The following CLCN2 variants were observed in gnomAD, a reference collection of about 807,000 sequenced individuals.
CLCN2 encodes the protein chloride voltage-gated channel 2.
A neutral mutation model predicts 108.3 loss-of-function variants in CLCN2; 72 were observed. That is an observed-to-expected ratio of 0.66 (90% confidence interval 0.55 to 0.81). CLCN2 has a LOEUF of 0.81. CLCN2 is among the 30% of genes least tolerant of loss of function. The pLI, the probability that CLCN2 is intolerant of heterozygous loss-of-function variation, is 0.00. For synonymous variants in CLCN2, 471 were observed against 467.1 expected, an observed-to-expected ratio of 1.01 and a Z score of -0.11; for missense variants, 1,048 against 1,205.2, an observed-to-expected ratio of 0.87 and a Z score of 1.93.
At chr3:184,353,973 A>G in intron 15 of CLCN2, 128 bp downstream of exon 15, 1 of 1,343,770 alleles carries the variant, frequency 7.4e-7, no homozygotes, top group South Asian at 1.3e-5. Flanking sequence ...GCCCCTCCAG[A>G]GTGTGGACGA....
Position 184,355,474 on chromosome 3 carries a change from TG to T in CLCN2, c.1225del (p.Gln409ArgfsTer7). 6.2e-7 allele frequency: 1 copy of T among 1,614,070 alleles called. No homozygotes were observed. The highest frequency in any genetic ancestry group is 8.5e-7 in the Non-Finnish European group (1 of 1,179,990). On this transcript the variant is annotated frameshift_variant, in exon 12 of 24. Transcript: ENST00000265593. LOFTEE classifies it high-confidence loss of function. This position sits in a 1 kb window ranked among gnomAD's most constrained non-coding sequence, Gnocchi z 6.3. ...TGGTTCTAGCTCCTCCACCAGGCCC[TG>T]GCGGACCCACGTCCGATTGTCAAAC... ...TLFDNRTWVR[Q>X]GLVEELEPPS...
rs748279279 is a variant in CLCN2, at chr3:184,353,280, G to C, written c.1998C>G (p.Pro666=). 2 of 1,613,844 alleles carry C rather than the reference G, an allele frequency of 1.2e-6. No individual in the cohort carries two copies. The highest frequency in any genetic ancestry group is 1.6e-4 in the Middle Eastern group (1 of 6,084). The change falls in exon 17 of 24, where the codon CCC becomes CCG. Residue 666 remains proline (P), a synonymous_variant. Transcript: ENST00000265593. Reference sequence around the variant, plus strand: ...AGCAGACAGAAGCCTCAGGGGTAGGGGGACCCTCCTGATCAGATAGTGGAG... The same window carrying C: ...AGCAGACAGAAGCCTCAGGGGTAGGCGGACCCTCCTGATCAGATAGTGGAG... ...QTSPLSDQEG[P]PTPEASVCFQ... is the part of the protein sequence containing the mutation.
In CLCN2 at chr3:184,346,590, G is replaced by C. The variant is rs1013631132; in HGVS notation, c.*16C>G. The C allele has an allele frequency of 3.1e-6, 5 of 1,613,332 alleles. No individual in the cohort carries two copies. Among genetic ancestry groups the C allele is most frequent in the Non-Finnish European group, 4.2e-6 (5 of 1,179,930 alleles). ...ACGGGCATGGCTAGCACCATCCTAG[G>C]CCACCCACGAGGGGCTCATTGGCAT... On this transcript the variant is annotated 3_prime_UTR_variant, in exon 24 of 24. Coordinates refer to ENST00000265593, the MANE Select transcript of CLCN2 (RefSeq NM_004366.6). The surrounding 1 kb of genome is among the most constrained non-coding windows in gnomAD (Gnocchi z 6.0).
chr3:184,358,927 C>G, intron 2 of CLCN2, 48 bp downstream of exon 2: 1 of 1,613,484 alleles, frequency 6.2e-7, no homozygotes, highest in Non-Finnish European at 8.5e-7. Context: ...GCCTCTGCTT[C>G]CCTCAGCACA....
At position 184,346,539 on chromosome 3, in the gene CLCN2, G is replaced by T; in HGVS notation, c.*67C>A. ...GCCTCCTGCCTTCCGAAGGCAGAAG[G>T]AATGAAAGATGCACATTCTGGGCTG... On this transcript the variant is annotated 3_prime_UTR_variant, in exon 24 of 24. Transcript: ENST00000265593. This position sits in a 1 kb window ranked among gnomAD's most constrained non-coding sequence, Gnocchi z 6.0. 1.3e-6 allele frequency: 2 copies of T among 1,576,106 alleles called. No homozygotes were observed. The highest frequency in any genetic ancestry group is 1.1e-5 in the South Asian group (1 of 90,224).
Position 184,353,094 on chromosome 3 carries a change from G to A in CLCN2, c.2082C>T (p.Pro694=), listed in dbSNP as rs148009209. The A allele has an allele frequency of 2.1e-4, 331 of 1,614,016 alleles. No homozygotes were observed. Among genetic ancestry groups the A allele is most frequent in the Non-Finnish European group, 2.4e-4 (287 of 1,180,026 alleles). The stretch of plus-strand genomic sequence containing the variant: ...GCCCCCTCTTGAGTGCAGGCTTTAG[G>A]GGCTTGTGGGTCTCCCCCCGGGCTG... ...FPAARGETHK[P]LKPALKRGPS... The change falls in exon 18 of 24, where the codon CCC becomes CCT. Residue 694 remains proline (P), a synonymous_variant. Coordinates refer to ENST00000265593, the MANE Select transcript of CLCN2 (RefSeq NM_004366.6).
chr3:184,357,494 G>A lies in CLCN2; in HGVS notation c.773-7C>T, dbSNP rs531750356. On this transcript the variant is annotated splice_region_variant and splice_polypyrimidine_tract_variant and intron_variant, in intron 7 of 23. Transcript: ENST00000265593. ...TCGATGCTGAAGAGGACGCCTGTGA[G>A]GGGGAGGGAGACCAGCACTTGAGGC... is the stretch of plus-strand genomic sequence containing the variant. 5.0e-6 allele frequency: 8 copies of A among 1,614,168 alleles called. No homozygotes were observed. The highest frequency in any genetic ancestry group is 1.7e-5 in the Admixed American group (1 of 60,038).
chr3:184,359,297 A>T (rs1015678887), intron 1 of CLCN2, among the ~76,000 whole-genome samples, 166 bp from the exon 2 acceptor site: 3 of 152,216 alleles, frequency 2.0e-5, no homozygotes, highest in Non-Finnish European at 4.4e-5. Context: ...TGCACATTGC[A>T]GACTGTGGAG....
At position 184,361,348 on chromosome 3, in the gene CLCN2, C is replaced by A; in HGVS notation, c.63+69G>T. On this transcript the variant is annotated intron_variant, in intron 1 of 23. Coordinates refer to ENST00000265593, the MANE Select transcript of CLCN2 (RefSeq NM_004366.6). This position sits in a 1 kb window ranked among gnomAD's most constrained non-coding sequence, Gnocchi z 6.6. The stretch of plus-strand genomic sequence containing the variant: ...GATTAGGGTAGGCCCCTGGTCCTCG[C>A]GCTTCCCAGGGTAACCTGGAGCAGG... 1 of 1,529,674 alleles carries A rather than the reference C, an allele frequency of 6.5e-7. No homozygotes were observed. Among genetic ancestry groups the A allele is most frequent in the Non-Finnish European group, 9.1e-7 (1 of 1,103,898 alleles). 94.8% of individuals were successfully genotyped at this position (1,529,674 alleles called of 1,614,324 possible).
rs372978988 is a variant in CLCN2, at chr3:184,358,800, G to A, written c.234C>T (p.Arg78=). The part of the protein sequence containing the change: ...RCARCRVCSV[R]CHKFLVSRVG... ...CCCTGGATACTAGGAACTTGTGGCA[G>A]CGGACAGAACAGACTGGGTGCAGGG... The change falls in exon 3 of 24, where the codon CGC becomes CGT. Residue 78 remains arginine (R), a synonymous_variant. Coordinates refer to ENST00000265593, the MANE Select transcript of CLCN2 (RefSeq NM_004366.6). 1.5e-5 allele frequency: 24 copies of A among 1,613,680 alleles called. No individual in the cohort carries two copies. Among genetic ancestry groups the A allele is most frequent in the Non-Finnish European group, 1.7e-5 (20 of 1,179,866 alleles).
chr3:184,356,040 T>TC, intron 10 of CLCN2: 1 of 487,934 alleles, frequency 2.0e-6, no homozygotes. Flanking sequence ...AAGTCCATCC[T>TC]CCAAGCCCTC....
In CLCN2 at chr3:184,355,875, A is replaced by G; in HGVS notation, c.1086-97T>C. On this transcript the variant is annotated intron_variant, in intron 10 of 23. Coordinates refer to ENST00000265593, the MANE Select transcript of CLCN2 (RefSeq NM_004366.6). The surrounding 1 kb of genome is among the most constrained non-coding windows in gnomAD (Gnocchi z 6.3). ...GTCAGAGCAGAGCCTTGGCTCTTTCATGAAAACACTCAGTCCTGACAGAAG... is the reference window on the plus strand; with the variant it reads ...GTCAGAGCAGAGCCTTGGCTCTTTCGTGAAAACACTCAGTCCTGACAGAAG... 2 of 946,576 alleles carry G rather than the reference A, an allele frequency of 2.1e-6. No homozygotes were observed. Among genetic ancestry groups the G allele is most frequent in the East Asian group, 2.6e-5 (1 of 38,914 alleles). 58.6% of individuals were successfully genotyped at this position (946,576 alleles called of 1,614,324 possible). A position where few individuals can be genotyped will look rare whatever the true frequency, so the allele number is the denominator to read the frequency against.
chr3:184,357,355 C>T lies in CLCN2; in HGVS notation c.898+7G>A. The T allele has an allele frequency of 6.2e-7, 1 of 1,613,958 alleles. No individual in the cohort carries two copies. Among genetic ancestry groups the T allele is most frequent in the Non-Finnish European group, 8.5e-7 (1 of 1,180,008 alleles). On this transcript the variant is annotated splice_region_variant and intron_variant, in intron 8 of 23. Coordinates refer to ENST00000265593, the MANE Select transcript of CLCN2 (RefSeq NM_004366.6). ...TCGGGCTGCCCTCATCCCCTGGGTG[C>T]CCCCACCTTCATCCCGGTTCCAGAC...
intron 22 of CLCN2, chr3:184,347,373 A>G: frequency 2.6e-6 from 1 of 381,766 alleles, no homozygotes; most frequent in Non-Finnish European, 5.0e-6. Context: ...TAGGTCTTAC[A>G]TTATCATTTA....
chr3:184,356,344 T>TA (rs879298784), intron 10 of CLCN2: 126 of 151,936 alleles, frequency 8.3e-4, no homozygotes, highest in South Asian at 2.3e-3. Context: ...TTCTGGAGAT[T>TA]AAAAAAAAAA....
intron 1 of CLCN2, 141 bp from the exon 2 acceptor site, chr3:184,359,272 G>C (rs529036431): frequency 9.5e-7 from 1 of 1,053,726 alleles, no homozygotes; most frequent in African/African-American, 1.6e-5. Flanking sequence ...ACTCTGGCCC[G>C]AGGTGTGGGA....
chr3:184,354,861 T>C, intron 13 of CLCN2, 43 bp downstream of exon 13: 8 of 1,598,684 alleles, frequency 5.0e-6, no homozygotes, highest in Non-Finnish European at 6.9e-6. Context: ...GGCCAGAGGC[T>C]GAGGAAGGTG....
In CLCN2 at chr3:184,352,770, G is replaced by A. The variant is rs752574828; in HGVS notation, c.2184C>T (p.Phe728=). The A allele has an allele frequency of 8.7e-6, 14 of 1,613,150 alleles. No individual in the cohort carries two copies. The highest frequency in any genetic ancestry group is 5.5e-5 in the South Asian group (5 of 91,090). Reference sequence around the variant, plus strand: ...CAGCCTCAGGGGGTGGACTGCCACAGAAGAGGCTCCGGAGGGCGATGCCTG... The same window carrying A: ...CAGCCTCAGGGGGTGGACTGCCACAAAAGAGGCTCCGGAGGGCGATGCCTG... The part of the protein sequence containing the change: ...ESAGIALRSL[F]CGSPPPEAAS... Residue 728 remains phenylalanine, a synonymous_variant, in exon 19 of 24, where the codon TTC becomes TTT. Coordinates refer to ENST00000265593, the MANE Select transcript of CLCN2 (RefSeq NM_004366.6).
Position 184,361,578 on chromosome 3 carries a change from G to C in CLCN2, c.-99C>G. ...CCGCGCCGGCAGCCGTCCCGTCCCC[G>C]CAGCCCGGGAGGCCGAGAGCAGAGT... is the stretch of plus-strand genomic sequence containing the variant. On this transcript the variant is annotated 5_prime_UTR_variant, in exon 1 of 24. Transcript: ENST00000265593. This position sits in a 1 kb window ranked among gnomAD's most constrained non-coding sequence, Gnocchi z 6.6. 1.5e-6 allele frequency: 2 copies of C among 1,376,294 alleles called. No homozygotes were observed. The highest frequency in any genetic ancestry group is 2.0e-6 in the Non-Finnish European group (2 of 997,392). The allele number at this position is 1,376,294 out of a possible 1,614,324, so 85.3% of individuals were successfully genotyped here.
Sources: gnomAD v4.1 joint callset for allele counts (sites outside exome capture counted in the v4.1 genomes callset) on GRCh38, gnomAD v4.1.1 for gene constraint, Gnocchi (gnomAD v3.1) non-coding constraint, MANE v1.5 for transcripts, NCBI Gene and HGNC (gene_info 2026-07-23, HGNC 2026-07-21) for gene names.